The following UBAP2L variants were observed in gnomAD, a reference collection of about 807,000 sequenced individuals.
UBAP2L encodes the protein ubiquitin-associated protein 2-like.
UBAP2L carries 12 observed loss-of-function variants against 130.6 expected under a neutral mutation model. The ratio of observed to expected loss-of-function variants is 0.09; its 90% CI spans 0.06 to 0.15. The LOEUF (loss-of-function observed/expected upper bound fraction) is 0.15. UBAP2L is among the 10% of genes least tolerant of loss of function. The pLI, the probability that UBAP2L is intolerant of heterozygous loss-of-function variation, is 1.00. For missense variants in UBAP2L, 965 were observed against 1,332.5 expected (o/e 0.72, Z 4.29); for synonymous variants, 503 against 524.7 (o/e 0.96, Z 0.57).
rs1368336172 is a variant in UBAP2L, at chr1:154,235,201, G to A, written c.454G>A (p.Gly152Ser). Reference sequence around the variant, plus strand: ...AATTTTTATTTTTATTTCAGTTCGAGGTCAGGAAAATGGATTGGATGGCAC... The same window carrying A: ...AATTTTTATTTTTATTTCAGTTCGAAGTCAGGAAAATGGATTGGATGGCAC... ...RGASRGREFR[G>S]QENGLDGTKS... Residue 152 changes from glycine to serine, a missense_variant, in exon 6 of 27, where the codon GGT (glycine) becomes AGT (serine). Coordinates refer to ENST00000428931, the MANE Select transcript of UBAP2L (RefSeq NM_014847.4). 1.3e-6 allele frequency: 1 copy of A among 769,160 alleles called. No homozygotes were observed. The highest frequency in any genetic ancestry group is 2.4e-6 in the Non-Finnish European group (1 of 415,060). 47.6% of individuals were successfully genotyped at this position (769,160 alleles called of 1,614,324 possible).
rs745463474 is a variant in UBAP2L at position 154,255,242 on chromosome 1, C to T, written c.2000C>T (p.Thr667Met). 33 of 1,614,082 alleles carry T rather than the reference C, an allele frequency of 2.0e-5. No homozygotes were observed. The highest frequency in any genetic ancestry group is 6.6e-5 in the South Asian group (6 of 91,092). ...ACGGTATCTGCAGCTTCCTTACTGACGACAACCAATCAGCATTCATCCTCC... is the reference window on the plus strand; with the variant it reads ...ACGGTATCTGCAGCTTCCTTACTGATGACAACCAATCAGCATTCATCCTCC... ...NETVSAASLL[T>M]TTNQHSSSLG... is the part of the protein sequence containing the mutation. Residue 667 changes from threonine to methionine, a missense_variant, in exon 17 of 27, where the codon ACG becomes ATG. By Grantham distance (81) the Thr-to-Met change is moderately conservative. This residue lies in a region of UBAP2L where 393 missense variants were observed against 408.1 expected (regional missense o/e 0.96). Transcript: ENST00000428931.
rs547140960 is a variant in UBAP2L at position 154,265,431 on chromosome 1, C to G, written c.2903-1070C>G. Among the ~76,000 whole-genome samples, 12 of 152,268 alleles carry G rather than the reference C, an allele frequency of 7.9e-5. No individual in the cohort carries two copies. The East Asian group carries it at 1.5e-3, about 20-fold the overall frequency. ...ATAGACAGGCAAAGTTTTTCTGAAGCTTTGTTTTATTTTTATAAAAACTAA... is the reference window on the plus strand; with the variant it reads ...ATAGACAGGCAAAGTTTTTCTGAAGGTTTGTTTTATTTTTATAAAAACTAA... On this transcript the variant is annotated intron_variant, in intron 24 of 26. Coordinates refer to ENST00000428931, the MANE Select transcript of UBAP2L (RefSeq NM_014847.4).
chr1:154,251,960 G>A lies in UBAP2L; in HGVS notation c.1664+307G>A, dbSNP rs149733028. 6.2e-4 allele frequency among the ~76,000 whole-genome samples: 95 copies of A among 152,102 alleles called. 1 individual carries two copies. Among genetic ancestry groups the A allele is most frequent in the African/African-American group, 2.2e-3 (93 of 41,488 alleles). The stretch of plus-strand genomic sequence containing the variant: ...AAGACCAGCCTGGGCAACATAATGA[G>A]TCCCTGTCTCTACAAAAAAAATTTT... On this transcript the variant is annotated intron_variant, in intron 14 of 26. Coordinates refer to ENST00000428931, the MANE Select transcript of UBAP2L (RefSeq NM_014847.4).
Position 154,270,237 on chromosome 1 carries a change from C to A in UBAP2L, c.3206C>A (p.Pro1069Gln). The A allele has an allele frequency of 6.2e-7, 1 of 1,613,086 alleles. No homozygotes were observed. Among genetic ancestry groups the A allele is most frequent in the Non-Finnish European group, 8.5e-7 (1 of 1,179,518 alleles). The change falls in exon 27 of 27, where the codon CCG (proline) becomes CAG (glutamine). Residue 1069 changes from proline to glutamine, a missense_variant. Pro to Gln is a moderately conservative substitution (Grantham distance 76, BLOSUM62 -1). Transcript: ENST00000428931. ...CAACGTAGCCAGACCAGCTCCATCC[C>A]GCAGAAGCCCCAGACCAACAAGTCT... ...SGQRSQTSSIPQKPQTNKSAY... is the reference protein window; with the variant it reads ...SGQRSQTSSIQQKPQTNKSAY...
chr1:154,255,270 G>C lies in UBAP2L; in HGVS notation c.2028G>C (p.Leu676Phe), dbSNP rs1228174321. 4 of 1,614,124 alleles carry C rather than the reference G, an allele frequency of 2.5e-6. No individual in the cohort carries two copies. The highest frequency in any genetic ancestry group is 3.4e-6 in the Non-Finnish European group (4 of 1,180,024). The change falls in exon 17 of 27, where the codon TTG (leucine) becomes TTC (phenylalanine). Residue 676 changes from leucine (L) to phenylalanine (F), a missense_variant. Physicochemically the swap from Leu to Phe is conservative, Grantham distance 22. Around this residue, in one of 9 missense-constraint regions of UBAP2L, gnomAD observed 393 missense variants for 408.1 expected, o/e 0.96. Transcript: ENST00000428931. The part of the protein sequence containing the change: ...LTTTNQHSSS[L>F]GGLSHSEEIP... ...CAACCAATCAGCATTCATCCTCCTT[G>C]GGTGGCTTGAGCCACAGTGAGGAGA... is the stretch of plus-strand genomic sequence containing the variant.
At position 154,255,524 on chromosome 1, in the gene UBAP2L, C is replaced by T. The variant is rs542419365; in HGVS notation, c.2085-159C>T. ...CTTTCAACATCCACTTTTGCTTTAA[C>T]TGCTCTCTACCCCTGGCTGGCCATT... On this transcript the variant is annotated intron_variant, in intron 17 of 26. Transcript: ENST00000428931. 5.7e-4 allele frequency among the ~76,000 whole-genome samples: 87 copies of T among 152,352 alleles called. 1 individual carries two copies. The South Asian group carries it at 0.015, about 27-fold the overall frequency.
chr1:154,245,052 C>T (rs1395261460), intron 10 of UBAP2L, among the ~76,000 whole-genome samples: 2 of 152,212 alleles, frequency 1.3e-5, no homozygotes, highest in African/African-American at 4.8e-5. Flanking sequence ...CTGCCTCAGC[C>T]TCCCGAGTAG....
rs766139599 is a variant in UBAP2L at position 154,249,264 on chromosome 1, G to A, written c.1040G>A (p.Gly347Asp). 6 of 1,614,156 alleles carry A rather than the reference G, an allele frequency of 3.7e-6. No homozygotes were observed. Among genetic ancestry groups the A allele is most frequent in the Non-Finnish European group, 5.1e-6 (6 of 1,180,038 alleles). The part of the protein sequence containing the change: ...SMVSMLGKGF[G>D]DVGEAKGGST... ...GTGAGCATGTTAGGGAAAGGATTTG[G>A]TGATGTCGGTGAAGCTAAAGGCGGC... is the stretch of plus-strand genomic sequence containing the variant. Residue 347 changes from glycine (G) to aspartate (D), a missense_variant, in exon 12 of 27, where the codon GGT becomes GAT. Physicochemically the swap from Gly to Asp is moderately conservative, Grantham distance 94. Around this residue, in one of 9 missense-constraint regions of UBAP2L, gnomAD observed 99 missense variants for 106.4 expected, o/e 0.93. Transcript: ENST00000428931.
At chr1:154,236,665 G>A in intron 7 of UBAP2L, 54 bp downstream of exon 7, 1 of 1,596,852 alleles carries the variant, frequency 6.3e-7, no homozygotes, top group African/African-American at 1.3e-5. Context: ...AATTACTGTA[G>A]GCAGCCTTAA....
intron 25 of UBAP2L, among the ~76,000 whole-genome samples, chr1:154,267,837 T>G (rs1683739981): frequency 6.7e-6 from 1 of 150,186 alleles, no homozygotes; most frequent in Non-Finnish European, 1.5e-5. Flanking sequence ...CATATGACAT[T>G]CAGTTTTACA....
At chr1:154,266,677 GA>G (rs1683325331) in intron 25 of UBAP2L, 109 bp downstream of exon 25, 1 of 1,149,444 alleles carries the variant, frequency 8.7e-7, no homozygotes, top group Non-Finnish European at 1.3e-6. Context: ...GAGGTGGCAG[GA>G]AACCCATCCT....
intron 10 of UBAP2L, among the ~76,000 whole-genome samples, chr1:154,243,697 G>A (rs1393579510): frequency 6.6e-6 from 1 of 152,060 alleles, no homozygotes; most frequent in Non-Finnish European, 1.5e-5. Flanking sequence ...CTGACCTCGG[G>A]TAATCCGCCC....
At position 154,251,724 on chromosome 1, in the gene UBAP2L, T is replaced by C. The variant is rs1333709150; in HGVS notation, c.1664+71T>C. 3 of 1,574,272 alleles carry C rather than the reference T, an allele frequency of 1.9e-6. No individual in the cohort carries two copies. In the Admixed American group the frequency reaches 5.3e-5, roughly 28 times the overall value. The stretch of plus-strand genomic sequence containing the variant: ...ACTTTTTTAATCTGTGGGAGATTTC[T>C]AGAACTCTGGAGAGGCCAAGCCCCT... On this transcript the variant is annotated intron_variant, in intron 14 of 26. Transcript: ENST00000428931.
intron 11 of UBAP2L, among the ~76,000 whole-genome samples, chr1:154,247,344 A>C (rs1156281405): frequency 1.3e-5 from 2 of 152,162 alleles, no homozygotes; most frequent in African/African-American, 4.8e-5. Context: ...AGGTGAGAAG[A>C]GGTGGGAGGA....
intron 6 of UBAP2L, 50 bp from the exon 7 acceptor site, chr1:154,236,516 A>G: frequency 6.2e-7 from 1 of 1,602,662 alleles, no homozygotes; most frequent in South Asian, 1.1e-5. Flanking sequence ...GAAGTTTTAT[A>G]TCAACTTCTA....
intron 10 of UBAP2L, among the ~76,000 whole-genome samples, chr1:154,245,705 GGAGATT>G (rs1675221002): frequency 6.6e-6 from 1 of 152,038 alleles, no homozygotes; most frequent in African/African-American, 2.4e-5. Context: ...CATGAGGTCA[GGAGATT>G]GAGACCATCC....
intron 2 of UBAP2L, among the ~76,000 whole-genome samples, chr1:154,227,077 G>C (rs1454184984): frequency 6.6e-6 from 1 of 152,166 alleles, no homozygotes; most frequent in African/African-American, 2.4e-5. Flanking sequence ...TCTGCCTTGG[G>C]CTCCCAAAGT....
At position 154,255,668 on chromosome 1, in the gene UBAP2L, C is replaced by G; in HGVS notation, c.2085-15C>G. 1 of 1,614,054 alleles carries G rather than the reference C, an allele frequency of 6.2e-7. No homozygotes were observed. Among genetic ancestry groups the G allele is most frequent in the Non-Finnish European group, 8.5e-7 (1 of 1,179,968 alleles). ...ATAGCACTATGGCTGATGGCAGCCTCTTTTTTTCTGACAGCACGTTATCTA... is the reference window on the plus strand; with the variant it reads ...ATAGCACTATGGCTGATGGCAGCCTGTTTTTTTCTGACAGCACGTTATCTA... On this transcript the variant is annotated splice_polypyrimidine_tract_variant and intron_variant, in intron 17 of 26. Coordinates refer to ENST00000428931, the MANE Select transcript of UBAP2L (RefSeq NM_014847.4).
At chr1:154,262,191 G>A (rs898176296) in intron 24 of UBAP2L, among the ~76,000 whole-genome samples, 2 of 152,184 alleles carry the variant, frequency 1.3e-5, no homozygotes, top group African/African-American at 4.8e-5. Context: ...CCTAAACTGT[G>A]GAGAAAAAGG....
Sources: allele counts gnomAD v4.1 joint callset (sites outside exome capture counted in the v4.1 genomes callset), GRCh38; gene constraint gnomAD v4.1.1; regional missense constraint gnomAD v4.1.1; transcripts MANE v1.5; gene names NCBI Gene and HGNC (gene_info 2026-07-23, HGNC 2026-07-21).